Variants in USP30 observed in about 807,000 individuals in gnomAD.
USP30 encodes the protein ubiquitin specific peptidase 30, also known as ubiquitin carboxyl-terminal hydrolase 30.
Under a neutral mutation model 68.2 loss-of-function variants are expected in USP30, and 41 were observed. The observed-to-expected ratio is 0.60, with a 90% CI of 0.47 to 0.78. The LOEUF (loss-of-function observed/expected upper bound fraction) is 0.78, where lower values mean the gene tolerates loss of function less well. Among genes scored for constraint, USP30 ranks in the 30% least tolerant of loss-of-function variants. USP30 has a pLI of 0.00. For synonymous variants in USP30, 229 were observed against 253.7 expected (o/e 0.90, Z 0.93); for missense variants, 522 against 649.4 (o/e 0.80, Z 2.13).
At chr12:109,073,651 T>C in intron 7 of USP30, 119 bp downstream of exon 7, 2 of 832,178 alleles carry the variant, frequency 2.4e-6, no homozygotes, top group Non-Finnish European at 3.9e-6. Context: ...ACCTGGCCTC[T>C]GCACACTAGT....
chr12:109,085,727 TG>T lies in USP30; in HGVS notation c.1352del (p.Gly451AspfsTer75), dbSNP rs1400785233. On this transcript the variant is annotated frameshift_variant, in exon 13 of 13. Transcript: ENST00000257548. LOFTEE classifies it high-confidence loss of function. ...TCGTCCACCATGGAGACATGCACTC[TG>T]GACACTTTGTCACTTACCGACGGTC... is the stretch of plus-strand genomic sequence containing the variant. ...VVVHHGDMHS[G>X]HFVTYRRSPP... 1.9e-6 allele frequency: 3 copies of T among 1,614,150 alleles called. No homozygotes were observed. Among genetic ancestry groups the T allele is most frequent in the Non-Finnish European group, 2.5e-6 (3 of 1,180,060 alleles).
chr12:109,083,977 TAAATC>T (rs1396416154), intron 11 of USP30, among the ~76,000 whole-genome samples: 1 of 152,154 alleles, frequency 6.6e-6, no homozygotes, highest in African/African-American at 2.4e-5. Context: ...GCCCTGGTTT[TAAATC>T]AAAGACCTCT....
At chr12:109,066,983 G>A (rs2041273946) in intron 3 of USP30, among the ~76,000 whole-genome samples, 1 of 152,074 alleles carries the variant, frequency 6.6e-6, no homozygotes, top group African/African-American at 2.4e-5. Flanking sequence ...TTTAAATGCT[G>A]CAGCCTCATG....
chr12:109,080,300 A>G (rs2041758491), intron 7 of USP30, among the ~76,000 whole-genome samples: 1 of 152,192 alleles, frequency 6.6e-6, no homozygotes, highest in Non-Finnish European at 1.5e-5. Flanking sequence ...GCCACCCAGC[A>G]CCACATCAAC....
rs2135819148 is a variant in USP30, at chr12:109,081,376, A to G, written c.763A>G (p.Ile255Val). The G allele has an allele frequency of 6.2e-7, 1 of 1,614,136 alleles. No individual in the cohort carries two copies. Among genetic ancestry groups the G allele is most frequent in the Non-Finnish European group, 8.5e-7 (1 of 1,180,034 alleles). Residue 255 changes from isoleucine (I) to valine (V), a missense_variant, in exon 8 of 13, where the codon ATT becomes GTT. Transcript: ENST00000257548. Reference protein sequence around the residue: ...FDTFDSLSLSIPAATWGHPLT... With the variant: ...FDTFDSLSLSVPAATWGHPLT... ...TACCTTTGATAGCCTTTCACTAAGTATTCCAGCCGCCACATGGGTATGTAC... is the reference window on the plus strand; with the variant it reads ...TACCTTTGATAGCCTTTCACTAAGTGTTCCAGCCGCCACATGGGTATGTAC...
Position 109,083,048 on chromosome 12 carries a change from G to A in USP30, c.1154G>A (p.Gly385Glu). 3 of 1,610,692 alleles carry A rather than the reference G, an allele frequency of 1.9e-6. No homozygotes were observed. Among genetic ancestry groups the A allele is most frequent in the Non-Finnish European group, 2.5e-6 (3 of 1,178,156 alleles). ...GPTLELQDGP[G>E]APTPVLNQPG... The stretch of plus-strand genomic sequence containing the variant: ...ACACTGGAGCTGCAGGATGGGCCGG[G>A]AGCCCCCACACCAGGTGTGTGCGCG... The change falls in exon 11 of 13, where the codon GGA becomes GAA. Residue 385 changes from glycine to glutamate, a missense_variant. Physicochemically the swap from Gly to Glu is moderately conservative, Grantham distance 98. Coordinates refer to ENST00000257548, the MANE Select transcript of USP30 (RefSeq NM_032663.5).
chr12:109,023,274 C>G (rs2040420129), intron 1 of USP30: 1 of 152,254 alleles, frequency 6.6e-6, no homozygotes, highest in South Asian at 2.1e-4. Flanking sequence ...TCTTAGGGGT[C>G]GGGTACCATG....
In USP30 at chr12:109,060,871, C is replaced by T. The variant is rs570469803; in HGVS notation, c.376+2763C>T. Among the ~76,000 whole-genome samples, 4 of 152,254 alleles carry T rather than the reference C, an allele frequency of 2.6e-5. No individual in the cohort carries two copies. The East Asian group carries it at 7.7e-4, about 29-fold the overall frequency. On this transcript the variant is annotated intron_variant, in intron 3 of 12. Transcript: ENST00000257548. ...GGTTTCACCAGGCTGCTCTCGAACT[C>T]CTGACCTCAAGTGGTGCACCTGCCT...
intron 8 of USP30, chr12:109,081,621 G>A (rs111398693): frequency 4.2e-5 from 23 of 545,308 alleles, no homozygotes; most frequent in Middle Eastern, 4.7e-4. Context: ...GCACGCATGC[G>A]CGCACACACA....
At chr12:109,042,105 A>G (rs996458892) in intron 3 of USP30, among the ~76,000 whole-genome samples, 1 of 151,542 alleles carries the variant, frequency 6.6e-6, no homozygotes. Flanking sequence ...TTTCTGTTCA[A>G]GGACACCCAC....
chr12:109,056,870 G>A, intron 2 of USP30, 79 bp downstream of exon 2: 1 of 1,017,146 alleles, frequency 9.8e-7, no homozygotes. Flanking sequence ...AAAGAAGGTG[G>A]GGAGGTTGGT....
chr12:109,032,421 A>T (rs1020148034), intron 3 of USP30, among the ~76,000 whole-genome samples: 1 of 152,278 alleles, frequency 6.6e-6, no homozygotes, highest in Non-Finnish European at 1.5e-5. Context: ...ATGGATAAAC[A>T]AAATGTGGTA....
chr12:109,065,185 G>T (rs778645281), intron 3 of USP30, among the ~76,000 whole-genome samples: 1 of 152,178 alleles, frequency 6.6e-6, no homozygotes, highest in East Asian at 1.9e-4. Flanking sequence ...GGGAGTCACT[G>T]AACTTCCAGA....
chr12:109,069,985 C>T (rs2041384750), intron 4 of USP30, among the ~76,000 whole-genome samples: 1 of 151,464 alleles, frequency 6.6e-6, no homozygotes, highest in Non-Finnish European at 1.5e-5. Flanking sequence ...GCGGGGAGGG[C>T]GGTGGAGGAG....
At position 109,064,208 on chromosome 12, in the gene USP30, G is replaced by A. The variant is rs139881344; in HGVS notation, c.377-3316G>A. ...TTTGTTGTTGAGTTTTAGAAGTTCT[G>A]AGTTCATATATTCTGGGTATTAATC... On this transcript the variant is annotated intron_variant, in intron 3 of 12. Coordinates refer to ENST00000257548, the MANE Select transcript of USP30 (RefSeq NM_032663.5). 4.0e-3 allele frequency among the ~76,000 whole-genome samples: 608 copies of A among 152,118 alleles called. 6 individuals are homozygous for A. Among genetic ancestry groups the A allele is most frequent in the African/African-American group, 0.014 (568 of 41,476 alleles).
At chr12:109,032,713 A>G (rs913156123) in intron 3 of USP30, among the ~76,000 whole-genome samples, 2 of 152,236 alleles carry the variant, frequency 1.3e-5, no homozygotes, top group African/African-American at 4.8e-5. Flanking sequence ...AGGGACAAAA[A>G]TGTCCTAAAA....
At chr12:109,024,309 G>A (rs1219470234) in intron 1 of USP30, among the ~76,000 whole-genome samples, 1 of 152,154 alleles carries the variant, frequency 6.6e-6, no homozygotes, top group African/African-American at 2.4e-5. Flanking sequence ...CCAGGCTGGA[G>A]TGTGGTGGTG....
At chr12:109,084,007 C>T (rs2041879104) in intron 11 of USP30, among the ~76,000 whole-genome samples, 1 of 152,162 alleles carries the variant, frequency 6.6e-6, no homozygotes, top group South Asian at 2.1e-4. Context: ...CCCAGCTTCC[C>T]CATCTCCTGG....
At chr12:109,031,237 C>G (rs535978654) in intron 3 of USP30, among the ~76,000 whole-genome samples, 1 of 152,214 alleles carries the variant, frequency 6.6e-6, no homozygotes, top group East Asian at 1.9e-4. Context: ...AAACAACAAC[C>G]CATTTACAAA....
Sources: allele counts gnomAD v4.1 joint callset (sites outside exome capture counted in the v4.1 genomes callset), GRCh38; gene constraint gnomAD v4.1.1; transcripts MANE v1.5; gene names NCBI Gene and HGNC (gene_info 2026-07-23, HGNC 2026-07-21).